The following AP3M1 variants were observed in gnomAD, a reference collection of about 807,000 sequenced individuals.
The protein encoded by AP3M1 is AP-3 complex subunit mu-1.
In AP3M1, 29 loss-of-function variants were observed where a neutral mutation model predicts 42.6. That is an observed-to-expected ratio of 0.68 (90% CI 0.51 to 0.93). The LOEUF is 0.93. AP3M1 is among the 40% of genes least tolerant of loss of function. The pLI is 0.00. For synonymous variants in AP3M1, 178 were observed against 175.3 expected (o/e 1.02, Z -0.12); for missense variants, 416 against 510.2 (o/e 0.82, Z 1.78).
intron 6 of AP3M1, among the ~76,000 whole-genome samples, chr10:74,127,272 C>T (rs532051206): frequency 5.3e-5 from 8 of 152,170 alleles, no homozygotes; most frequent in Admixed American, 5.2e-4. Context: ...GAGCTGAGTA[C>T]AGCATAATGT....
chr10:74,124,240 T>C, intron 8 of AP3M1, 140 bp downstream of exon 8: 2 of 1,030,274 alleles, frequency 1.9e-6, no homozygotes, highest in Non-Finnish European at 2.8e-6. Context: ...CCTGTGAGAC[T>C]GCCCCACCAA....
At chr10:74,130,403 C>T (rs536051634) in intron 4 of AP3M1, among the ~76,000 whole-genome samples, 8 of 152,082 alleles carry the variant, frequency 5.3e-5, no homozygotes, top group African/African-American at 1.9e-4. Context: ...CTAGTCCCAG[C>T]TGGTCCCCAG....
At chr10:74,127,493 A>T (rs1213659839) in intron 6 of AP3M1, among the ~76,000 whole-genome samples, 2 of 151,594 alleles carry the variant, frequency 1.3e-5, no homozygotes, top group Non-Finnish European at 2.9e-5. Context: ...AAAAAAAAAA[A>T]TAACAAAAAA....
At chr10:74,139,637 G>T (rs1160625827) in intron 1 of AP3M1, among the ~76,000 whole-genome samples, 2 of 150,716 alleles carry the variant, frequency 1.3e-5, no homozygotes, top group Non-Finnish European at 3.0e-5. Flanking sequence ...AAAAAAAAAG[G>T]CCAGGCGCGG....
chr10:74,144,087 G>C (rs971422251), intron 1 of AP3M1, among the ~76,000 whole-genome samples: 5 of 151,812 alleles, frequency 3.3e-5, no homozygotes, highest in Non-Finnish European at 7.4e-5. Context: ...TCAGCCTCCC[G>C]AGTAGCTGGG....
rs142865646 is a variant in AP3M1 at position 74,134,002 on chromosome 10, A to T, written c.583+25T>A. On this transcript the variant is annotated intron_variant, in intron 4 of 8. Coordinates refer to ENST00000355264, the MANE Select transcript of AP3M1 (RefSeq NM_012095.6). ...GTGTCAGATGAATTGTTTTTCCCCA[A>T]ATAAGATGACATGCACACAATTACC... 1.0e-4 allele frequency: 164 copies of T among 1,611,170 alleles called. 1 individual carries two copies. The African/African-American group carries it at 1.6e-3, about 15-fold the overall frequency.
At chr10:74,128,143 G>GAA (rs1840674388) in intron 6 of AP3M1, among the ~76,000 whole-genome samples, 1 of 141,062 alleles carries the variant, frequency 7.1e-6, no homozygotes, top group African/African-American at 2.7e-5. Context: ...AAAGAGCCGA[G>GAA]AAATAATTTC....
rs371264286 is a variant in AP3M1 at position 74,144,212 on chromosome 10, C to T, written c.-3-5830G>A. On this transcript the variant is annotated intron_variant, in intron 1 of 8. Transcript: ENST00000355264. ...TCCGGACCTCATGATCCACCCGCCTCGGCCTCCCAAAGTGCTGGGATTACA... is the reference window on the plus strand; with the variant it reads ...TCCGGACCTCATGATCCACCCGCCTTGGCCTCCCAAAGTGCTGGGATTACA... Among the ~76,000 whole-genome samples, 54 of 152,294 alleles carry T rather than the reference C, an allele frequency of 3.5e-4. 1 individual carries two copies. In the Middle Eastern group the frequency reaches 0.01, roughly 29 times the overall value.
intron 1 of AP3M1, among the ~76,000 whole-genome samples, chr10:74,139,607 C>T (rs115350439): frequency 0.13 from 19,278 of 148,078 alleles, 1,260 homozygotes; most frequent in Middle Eastern, 0.2. Context: ...CGTGCAGAAA[C>T]TCTGTCTCTA....
At chr10:74,138,033 T>C in intron 2 of AP3M1, 74 bp downstream of exon 2, 1 of 1,447,858 alleles carries the variant, frequency 6.9e-7, no homozygotes, top group South Asian at 1.4e-5. Context: ...CCTGGGTAAT[T>C]AAATAATATA....
At chr10:74,129,053 G>T (rs1840698853) in intron 6 of AP3M1, 55 bp downstream of exon 6, 1 of 1,596,272 alleles carries the variant, frequency 6.3e-7, no homozygotes, top group African/African-American at 1.3e-5. Context: ...AACAGGGAAA[G>T]GTGAGTTGTA....
In AP3M1 at chr10:74,120,745, T is replaced by A; in HGVS notation, c.*3065A>T. 4 of 152,424 alleles carry A rather than the reference T, an allele frequency of 2.6e-5. No homozygotes were observed. Among genetic ancestry groups the A allele is most frequent in the Non-Finnish European group, 5.9e-5 (4 of 68,104 alleles). The allele number at this position is 152,424 out of a possible 1,614,324, so 9.4% of individuals were successfully genotyped here. On this transcript the variant is annotated 3_prime_UTR_variant, in exon 9 of 9. Transcript: ENST00000355264. ...GTTGGCCAGGCTGGTCTCGAACTCC[T>A]GACCTCAAGTGATCCGCCCACCTTG... is the stretch of plus-strand genomic sequence containing the variant.
intron 6 of AP3M1, among the ~76,000 whole-genome samples, chr10:74,128,430 G>C (rs1840683394): frequency 2.6e-5 from 4 of 151,766 alleles, no homozygotes; most frequent in Admixed American, 2.6e-4. Flanking sequence ...GTAGAGACAG[G>C]GTTTCACCAT....
intron 8 of AP3M1, 68 bp from the exon 9 acceptor site, chr10:74,123,978 G>T: frequency 1.5e-6 from 2 of 1,335,104 alleles, no homozygotes; most frequent in Non-Finnish European, 2.1e-6. Flanking sequence ...AGCAATGAGC[G>T]CTATATGGTA....
chr10:74,138,617 A>C (rs1278478788), intron 1 of AP3M1, among the ~76,000 whole-genome samples: 1 of 144,548 alleles, frequency 6.9e-6, no homozygotes, highest in South Asian at 2.2e-4. Context: ...AAAAAAAAAG[A>C]AAGCCATTTA....
Position 74,130,002 on chromosome 10 carries a change from G to GAAAA in AP3M1, c.584-14_584-11dup. On this transcript the variant is annotated splice_polypyrimidine_tract_variant and intron_variant, in intron 4 of 8. Coordinates refer to ENST00000355264, the MANE Select transcript of AP3M1 (RefSeq NM_012095.6). ...GCAAAGACTGTAGATCCTGAAGAAA[G>GAAAA]AAAAAAAAAAGGAAGATAACATCAA... The GAAAA allele has an allele frequency of 6.9e-7, 1 of 1,445,590 alleles. No individual in the cohort carries two copies. The highest frequency in any genetic ancestry group is 9.6e-7 in the Non-Finnish European group (1 of 1,038,620). The allele number at this position is 1,445,590 out of a possible 1,614,324, so 89.5% of individuals were successfully genotyped here.
chr10:74,125,084 G>A (rs1031690969), intron 7 of AP3M1, among the ~76,000 whole-genome samples: 2 of 152,098 alleles, frequency 1.3e-5, no homozygotes, highest in African/African-American at 4.8e-5. Context: ...AGGTTCAAGC[G>A]ATGCTCCTGC....
intron 1 of AP3M1, among the ~76,000 whole-genome samples, chr10:74,141,888 T>C (rs1841164861): frequency 6.6e-6 from 1 of 151,150 alleles, no homozygotes; most frequent in Non-Finnish European, 1.5e-5. Context: ...AGTTTTTTTT[T>C]TTTTTTGTAT....
rs185946082 is a variant in AP3M1 at position 74,133,477 on chromosome 10, C to T, written c.583+550G>A. Among the ~76,000 whole-genome samples the T allele has an allele frequency of 2.4e-3, 361 of 151,924 alleles. 1 individual carries two copies. Among genetic ancestry groups the T allele is most frequent in the African/African-American group, 7.7e-3 (318 of 41,438 alleles). Reference sequence around the variant, plus strand: ...TTGGGAAGCTGAAGCAGCAGGATCGCTTGAATCCAGGAGGTGAAGGTTCCA... The same window carrying T: ...TTGGGAAGCTGAAGCAGCAGGATCGTTTGAATCCAGGAGGTGAAGGTTCCA... On this transcript the variant is annotated intron_variant, in intron 4 of 8. Coordinates refer to ENST00000355264, the MANE Select transcript of AP3M1 (RefSeq NM_012095.6).
Sources: gnomAD v4.1 joint callset for allele counts (sites outside exome capture counted in the v4.1 genomes callset) on GRCh38, gnomAD v4.1.1 for gene constraint, MANE v1.5 for transcripts, NCBI Gene and HGNC (gene_info 2026-07-23, HGNC 2026-07-21) for gene names.